The following ZNF433 variants were observed in gnomAD, a reference collection of about 807,000 sequenced individuals.
ZNF433 encodes zinc finger protein 433.
ZNF433 carries 12 observed loss-of-function variants against 10.6 expected under a neutral mutation model. The ratio of observed to expected loss-of-function variants is 1.13; its 90% CI spans 0.72 to 1.83. ZNF433 has a LOEUF of 1.83. ZNF433 is among the 40% of genes most tolerant of loss of function. The pLI is 0.00. For missense variants in ZNF433, 737 were observed against 798.0 expected (o/e 0.92, Z 0.92); for synonymous variants, 272 against 271.3 (o/e 1.00, Z -0.02).
Position 12,017,870 on chromosome 19 carries a change from A to C in ZNF433, c.191+6T>G. 1.9e-6 allele frequency: 3 copies of C among 1,569,990 alleles called. No individual in the cohort carries two copies. Among genetic ancestry groups the C allele is most frequent in the Non-Finnish European group, 1.7e-6 (2 of 1,160,070 alleles). Reference sequence around the variant, plus strand: ...CACACGTCTTTGTCATGTGAGTGCAAGTTACCTTAGGTTTCTCCTTAGATT... The same window carrying C: ...CACACGTCTTTGTCATGTGAGTGCACGTTACCTTAGGTTTCTCCTTAGATT... On this transcript the variant is annotated splice_donor_region_variant and intron_variant, in intron 3 of 3. Coordinates refer to ENST00000550507, the MANE Select transcript of ZNF433 (RefSeq NM_001308348.2).
intron 1 of ZNF433, among the ~76,000 whole-genome samples, chr19:12,031,317 A>AAAAAAAAAAC (rs1975016644): frequency 8.5e-6 from 1 of 116,972 alleles, no homozygotes; most frequent in Non-Finnish European, 1.6e-5. Flanking sequence ...AAAACAAAAC[A>AAAAAAAAAAC]AAAAAAAAAA....
intron 1 of ZNF433, chr19:12,034,817 A>G (rs1254658180): frequency 4.5e-6 from 2 of 447,056 alleles, no homozygotes; most frequent in Non-Finnish European, 8.8e-6. Context: ...CTTTCTGCCA[A>G]AGGAACTTAC....
At chr19:12,021,820 G>A (rs1974508370) in intron 1 of ZNF433, 1 of 378,882 alleles carries the variant, frequency 2.6e-6, no homozygotes, top group Non-Finnish European at 5.6e-6. Context: ...CAAAACACCA[G>A]GTCAGATTTC....
chr19:12,032,547 A>C (rs1173684892), intron 1 of ZNF433, among the ~76,000 whole-genome samples: 2 of 151,408 alleles, frequency 1.3e-5, no homozygotes, highest in Admixed American at 1.3e-4. Context: ...ACAGTGGTGC[A>C]ATGTCAGCTC....
At chr19:12,018,346 A>AG in intron 1 of ZNF433, 54 bp from the exon 2 acceptor site, 1 of 1,576,912 alleles carries the variant, frequency 6.3e-7, no homozygotes, top group Non-Finnish European at 8.6e-7. Flanking sequence ...ATCACTGGGA[A>AG]GCCTATACTC....
At chr19:12,030,907 C>T (rs1364071884) in intron 1 of ZNF433, among the ~76,000 whole-genome samples, 2 of 152,114 alleles carry the variant, frequency 1.3e-5, no homozygotes, top group South Asian at 4.1e-4. Context: ...GAAACCCCGT[C>T]TCTATGAAAA....
rs1489649885 is a variant in ZNF433, at chr19:12,016,662, C to A, written c.196G>T (p.Val66Leu). 7.4e-6 allele frequency: 12 copies of A among 1,613,136 alleles called. No homozygotes were observed. Among genetic ancestry groups the A allele is most frequent in the Non-Finnish European group, 1.0e-5 (12 of 1,179,726 alleles). Residue 66 changes from valine to leucine, a missense_variant, in exon 4 of 4, where the codon GTG becomes TTG. Physicochemically the swap from Val to Leu is conservative, Grantham distance 32. Transcript: ENST00000550507. ...YENLRRNLRI[V>L]GERLFESKEG... ...TTACTTTCAAAGAGTCTCTCTCCCA[C>A]AATTCTGTGAACAATAAGAAGTACA... is the stretch of plus-strand genomic sequence containing the variant.
rs1431728115 is a variant in ZNF433 at position 12,018,289 on chromosome 19, A to G, written c.7T>C (p.Ser3Pro). The part of the protein sequence containing the change: MD[S>P]VAFEDVAVTF... ...ACAGCCACATCCTCAAAGGCCACTG[A>G]ATCCTGAAACATCTCACATGTATAG... Residue 3 changes from serine (S) to proline (P), a missense_variant, in exon 2 of 4, where the codon TCA becomes CCA. Transcript: ENST00000550507. 1.2e-6 allele frequency: 2 copies of G among 1,613,420 alleles called. No homozygotes were observed. The highest frequency in any genetic ancestry group is 1.7e-6 in the Non-Finnish European group (2 of 1,179,778).
Position 12,014,765 on chromosome 19 carries a change from A to T in ZNF433, c.*80T>A, listed in dbSNP as rs187041182. On this transcript the variant is annotated 3_prime_UTR_variant, in exon 4 of 4. Coordinates refer to ENST00000550507, the MANE Select transcript of ZNF433 (RefSeq NM_001308348.2). ...TTTATTTATTTAATTTTTATAACAG[A>T]GTCTCACTATGTTGCCCAGGCTGGT... 81 of 991,570 alleles carry T rather than the reference A, an allele frequency of 8.2e-5. No individual in the cohort carries two copies. Among genetic ancestry groups the T allele is most frequent in the Non-Finnish European group, 1.1e-4 (76 of 696,912 alleles). 61.4% of individuals were successfully genotyped at this position (991,570 alleles called of 1,614,324 possible).
At chr19:12,028,307 C>A (rs1227584052) in intron 1 of ZNF433, among the ~76,000 whole-genome samples, 1 of 152,102 alleles carries the variant, frequency 6.6e-6, no homozygotes, top group Non-Finnish European at 1.5e-5. Context: ...AGAAAGTGAA[C>A]TACCATTCCA....
chr19:12,014,910 T>A lies in ZNF433; in HGVS notation c.1948A>T (p.Lys650Ter), dbSNP rs771495293. ...EKPYKCNQCGKVFRCSSQLQV... is the reference protein window; with the variant it reads ...EKPYKCNQCG ...AGTTGTGAAGAACATCTAAAGACTT[T>A]ACCACATTGGTTACATTTATAGGGT... The change falls in exon 4 of 4, where the codon AAA becomes TAA. Residue 650 changes from lysine to a stop codon, truncating the protein, a stop_gained. Transcript: ENST00000550507. LOFTEE classifies it low-confidence loss of function (END_TRUNC). The A allele has an allele frequency of 1.2e-6, 2 of 1,613,762 alleles. No individual in the cohort carries two copies. The highest frequency in any genetic ancestry group is 1.1e-5 in the South Asian group (1 of 91,046).
intron 1 of ZNF433, chr19:12,030,212 ATGTT>A: frequency 2.3e-6 from 1 of 438,510 alleles, no homozygotes; most frequent in Non-Finnish European, 4.5e-6. Context: ...TCAGAAAGAA[ATGTT>A]TATTTTTTTA....
Position 12,018,251 on chromosome 19 carries a change from T to C in ZNF433, c.45A>G (p.Gln15=), listed in dbSNP as rs779157782. 3 of 1,613,626 alleles carry C rather than the reference T, an allele frequency of 1.9e-6. No individual in the cohort carries two copies. Among genetic ancestry groups the C allele is most frequent in the South Asian group, 1.1e-5 (1 of 91,018 alleles). ...AFEDVAVTFT[Q]EEWALLDPSQ... ...AAGGATCCAGCAAAGCCCACTCCTCTTGGGTGAAGGTCACAGCCACATCCT... is the reference window on the plus strand; with the variant it reads ...AAGGATCCAGCAAAGCCCACTCCTCCTGGGTGAAGGTCACAGCCACATCCT... Residue 15 remains glutamine (Q), a synonymous_variant, in exon 2 of 4, where the codon CAA becomes CAG. Coordinates refer to ENST00000550507, the MANE Select transcript of ZNF433 (RefSeq NM_001308348.2).
intron 1 of ZNF433, among the ~76,000 whole-genome samples, chr19:12,019,590 T>A (rs1245430349): frequency 6.6e-6 from 1 of 152,192 alleles, no homozygotes; most frequent in Non-Finnish European, 1.5e-5. Flanking sequence ...CTAGTTATAT[T>A]AAATTTGAAA....
chr19:12,027,186 T>C (rs1340995173), intron 1 of ZNF433: 1 of 417,180 alleles, frequency 2.4e-6, no homozygotes, highest in Admixed American at 3.3e-5. Flanking sequence ...TTAAAATAGA[T>C]AAAAACACTT....
At chr19:12,030,635 T>C (rs1974972029) in intron 1 of ZNF433, among the ~76,000 whole-genome samples, 2 of 152,050 alleles carry the variant, frequency 1.3e-5, no homozygotes, top group Admixed American at 1.3e-4. Flanking sequence ...TCTATACTAA[T>C]AAAGAGAAAA....
At position 12,015,253 on chromosome 19, in the gene ZNF433, T is replaced by C. The variant is rs775259327; in HGVS notation, c.1605A>G (p.Gln535=). 1.7e-5 allele frequency: 27 copies of C among 1,612,686 alleles called. No individual in the cohort carries two copies. The highest frequency in any genetic ancestry group is 2.1e-5 in the Non-Finnish European group (25 of 1,179,718). The change falls in exon 4 of 4, where the codon CAA becomes CAG. Residue 535 remains glutamine (Q), a synonymous_variant. Transcript: ENST00000550507. ...AGGCAGATCTGAAGGCTTTTCCACA[T>C]TGCTTGCATTCATAGGGTTTCTCTC... ...HTGEKPYECK[Q]CGKAFRSASQ...
chr19:12,017,600 G>A (rs1335237096), intron 3 of ZNF433, among the ~76,000 whole-genome samples: 1 of 152,054 alleles, frequency 6.6e-6, no homozygotes, highest in African/African-American at 2.4e-5. Context: ...TCTTGCCCAG[G>A]CTGGAGTGCA....
intron 1 of ZNF433, chr19:12,027,119 A>T (rs1042444498): frequency 2.4e-5 from 11 of 451,930 alleles, no homozygotes; most frequent in African/African-American, 2.0e-4. Flanking sequence ...CCTGACCTTA[A>T]TGCCAGGAAC....
Sources: gnomAD v4.1 joint callset for allele counts (sites outside exome capture counted in the v4.1 genomes callset) on GRCh38, gnomAD v4.1.1 for gene constraint, MANE v1.5 for transcripts, NCBI Gene and HGNC (gene_info 2026-07-23, HGNC 2026-07-21) for gene names.